The following PRKCB variants were observed in gnomAD, a reference collection of about 807,000 sequenced individuals.
PRKCB encodes the protein protein kinase C beta.
In PRKCB, 13 loss-of-function variants were observed where a neutral mutation model predicts 81.5. That is an observed-to-expected ratio of 0.16 (90% confidence interval 0.10 to 0.25). The LOEUF is 0.25. Among genes scored for constraint, PRKCB ranks in the 10% least tolerant of loss-of-function variants. The pLI is 1.00. For synonymous variants in PRKCB, 335 were observed against 321.4 expected, an observed-to-expected ratio of 1.04 and a Z score of -0.45; for missense variants, 509 against 875.7, an observed-to-expected ratio of 0.58 and a Z score of 5.29.
intron 9 of PRKCB, among the ~76,000 whole-genome samples, chr16:24,124,230 T>C (rs544640710): frequency 6.6e-6 from 1 of 152,278 alleles, no homozygotes; most frequent in South Asian, 2.1e-4. Flanking sequence ...AAGAACTAGC[T>C]ATGCTTTCAA....
At position 23,912,268 on chromosome 16, in the gene PRKCB, C is replaced by T. The variant is rs547524478; in HGVS notation, c.205+74862C>T. On this transcript the variant is annotated intron_variant, in intron 2 of 16. Coordinates refer to ENST00000643927, the MANE Select transcript of PRKCB (RefSeq NM_002738.7). Reference sequence around the variant, plus strand: ...AATGATTTTGTTGGAGAATCTTTTGCCTCTGCTATAAGCCACTTGAGGGTA... The same window carrying T: ...AATGATTTTGTTGGAGAATCTTTTGTCTCTGCTATAAGCCACTTGAGGGTA... 1.7e-4 allele frequency among the ~76,000 whole-genome samples: 26 copies of T among 152,104 alleles called. 1 individual carries two copies. Among genetic ancestry groups the T allele is most frequent in the Admixed American group, 1.7e-3 (26 of 15,260 alleles).
At chr16:23,946,861 CTT>C (rs10690650) in intron 2 of PRKCB, among the ~76,000 whole-genome samples, 1 of 146,822 alleles carries the variant, frequency 6.8e-6, no homozygotes. Context: ...TTGTCTTTGT[CTT>C]TTTTTTTTTT....
At chr16:23,905,374 C>G (rs141451429) in intron 2 of PRKCB, among the ~76,000 whole-genome samples, 120 of 152,332 alleles carry the variant, frequency 7.9e-4, no homozygotes, top group Non-Finnish European at 1.2e-3. Flanking sequence ...GAGGATATCT[C>G]TCTCCTGTGG....
Position 24,066,060 on chromosome 16 carries a change from G to A in PRKCB, c.530-26731G>A, listed in dbSNP as rs147170823. On this transcript the variant is annotated intron_variant, in intron 5 of 16. Transcript: ENST00000643927. Reference sequence around the variant, plus strand: ...CTCTCTCTCTTTGATTTTCAGCAATGTGACTGTGATGTTCCTGTGTGTGTG... The same window carrying A: ...CTCTCTCTCTTTGATTTTCAGCAATATGACTGTGATGTTCCTGTGTGTGTG... 4.4e-3 allele frequency among the ~76,000 whole-genome samples: 660 copies of A among 149,214 alleles called. 7 individuals carry two copies. The highest frequency in any genetic ancestry group is 0.016 in the African/African-American group (633 of 40,214).
chr16:23,856,222 G>A (rs928566376), intron 2 of PRKCB, among the ~76,000 whole-genome samples: 1 of 152,242 alleles, frequency 6.6e-6, no homozygotes, highest in East Asian at 1.9e-4. Context: ...TCCAACCAAC[G>A]ATACTTTATA....
intron 3 of PRKCB, among the ~76,000 whole-genome samples, chr16:23,991,961 A>G (rs1964891486): frequency 6.6e-6 from 1 of 152,196 alleles, no homozygotes; most frequent in African/African-American, 2.4e-5. Flanking sequence ...CACCCAAGGT[A>G]TGGTGTTAGA....
chr16:24,125,391 C>T (rs528961321), intron 9 of PRKCB, among the ~76,000 whole-genome samples: 7 of 152,308 alleles, frequency 4.6e-5, no homozygotes, highest in African/African-American at 1.7e-4. Context: ...ACAACATCAG[C>T]TCTTGGGTCA....
At chr16:24,160,878 AG>A (rs1967243762) in intron 10 of PRKCB, among the ~76,000 whole-genome samples, 1 of 152,166 alleles carries the variant, frequency 6.6e-6, no homozygotes, top group African/African-American at 2.4e-5. Flanking sequence ...TCCAGGCAGC[AG>A]GAAGAGTGAG....
At position 24,021,072 on chromosome 16, in the gene PRKCB, C is replaced by CTCCTTTCTTTCTTTCTTTCTTTCTTTCT; in HGVS notation, c.289-11063_289-11062insCCTTTCTTTCTTTCTTTCTTTCTTTCTT. Among the ~76,000 whole-genome samples, 357 of 94,468 alleles carry CTCCTTTCTTTCTTTCTTTCTTTCTTTCT rather than the reference C, an allele frequency of 3.8e-3. 20 individuals carry two copies. The highest frequency in any genetic ancestry group is 3.1e-3 in the Non-Finnish European group (139 of 45,418). 62.0% of individuals were successfully genotyped at this position (94,468 alleles called of 152,430 possible). ...TTTCTTTCTTTCCCTCCCTCCCTCC[C>CTCCTTTCTTTCTTTCTTTCTTTCTTTCT]TTCTTTCTTTCTTTCTTTTTTTCTT... On this transcript the variant is annotated intron_variant, in intron 3 of 16. Transcript: ENST00000643927.
chr16:24,046,248 G>A (rs997745093), intron 5 of PRKCB, among the ~76,000 whole-genome samples: 7 of 152,174 alleles, frequency 4.6e-5, no homozygotes, highest in African/African-American at 1.7e-4. Flanking sequence ...GATTACAAAG[G>A]TTTTGCATGG....
intron 10 of PRKCB, among the ~76,000 whole-genome samples, chr16:24,170,989 A>G (rs987008474): frequency 2.0e-5 from 3 of 152,218 alleles, no homozygotes; most frequent in African/African-American, 7.2e-5. Flanking sequence ...ACTTCTGGAC[A>G]TGCCTTCCTA....
intron 2 of PRKCB, among the ~76,000 whole-genome samples, chr16:23,881,406 C>T (rs1292379447): frequency 6.6e-6 from 1 of 152,072 alleles, no homozygotes; most frequent in Non-Finnish European, 1.5e-5. Flanking sequence ...GCACTCACCA[C>T]CACACCCAGC....
At chr16:24,111,873 C>G (rs1349241234) in intron 7 of PRKCB, among the ~76,000 whole-genome samples, 1 of 152,110 alleles carries the variant, frequency 6.6e-6, no homozygotes, top group Non-Finnish European at 1.5e-5. Context: ...TGCTGAATGC[C>G]AAGTGCTGTG....
Position 24,218,817 on chromosome 16 carries a change from G to A in PRKCB, c.*4001G>A. 9 of 985,398 alleles carry A rather than the reference G, an allele frequency of 9.1e-6. No homozygotes were observed. The highest frequency in any genetic ancestry group is 1.1e-5 in the Non-Finnish European group (9 of 829,954). 61.0% of individuals were successfully genotyped at this position (985,398 alleles called of 1,614,324 possible). On this transcript the variant is annotated 3_prime_UTR_variant, in exon 17 of 17. Transcript: ENST00000643927. ...TGTGCAGGGCACTAGGGAATACAAG[G>A]CCTTCTTCCCTGGTTGTCTTGTAAT...
Position 24,036,522 on chromosome 16 carries a change from T to C in PRKCB, c.529+975T>C, listed in dbSNP as rs542676461. ...ATGGAAGAGATTAATTTTGCAAAAA[T>C]TAGTGTTTCTGAGGCCTCAGACTGG... On this transcript the variant is annotated intron_variant, in intron 5 of 16. Transcript: ENST00000643927. Among the ~76,000 whole-genome samples, 3 of 152,170 alleles carry C rather than the reference T, an allele frequency of 2.0e-5. No homozygotes were observed. In the South Asian group the frequency reaches 6.2e-4, roughly 32 times the overall value.
intron 2 of PRKCB, among the ~76,000 whole-genome samples, chr16:23,945,538 G>A (rs75175533): frequency 0.028 from 4,229 of 152,228 alleles, 185 homozygotes; most frequent in African/African-American, 0.096. Flanking sequence ...ATGAGAAAAT[G>A]AGGAGCCTCA....
intron 3 of PRKCB, among the ~76,000 whole-genome samples, chr16:24,009,955 A>G (rs1208443703): frequency 6.6e-6 from 1 of 152,162 alleles, no homozygotes; most frequent in African/African-American, 2.4e-5. Context: ...GTGAGCCGAG[A>G]TCATGCTACT....
intron 5 of PRKCB, among the ~76,000 whole-genome samples, chr16:24,083,313 T>A (rs958869484): frequency 2.6e-5 from 4 of 152,190 alleles, no homozygotes; most frequent in African/African-American, 7.2e-5. Flanking sequence ...AACAAACGCA[T>A]ATAACTGAAT....
At chr16:23,956,972 T>C (rs1226679639) in intron 2 of PRKCB, among the ~76,000 whole-genome samples, 13 of 60,786 alleles carry the variant, frequency 2.1e-4, no homozygotes, top group Middle Eastern at 0.036. Flanking sequence ...GAGTAAGCTA[T>C]AGGCAGTAAA....
Sources: allele counts gnomAD v4.1 joint callset (sites outside exome capture counted in the v4.1 genomes callset), GRCh38; gene constraint gnomAD v4.1.1; transcripts MANE v1.5; gene names NCBI Gene and HGNC (gene_info 2026-07-23, HGNC 2026-07-21).